GRIK2: variants seen among roughly 807,000 people sequenced by gnomAD.
GRIK2 encodes glutamate ionotropic receptor kainate type subunit 2.
Under a neutral mutation model 100.3 loss-of-function variants are expected in GRIK2, and 32 were observed. That is an observed-to-expected ratio of 0.32 (90% CI 0.24 to 0.43). GRIK2 has a LOEUF of 0.43. Among genes scored for constraint, GRIK2 ranks in the 20% least tolerant of loss-of-function variants. The pLI is 1.00. For synonymous variants in GRIK2, 417 were observed against 389.4 expected, an observed-to-expected ratio of 1.07 and a Z score of -0.83; for missense variants, 843 against 1,114.9, an observed-to-expected ratio of 0.76 and a Z score of 3.47.
chr6:101,806,589 T>C (rs1781019485), intron 9 of GRIK2, among the ~76,000 whole-genome samples: 2 of 151,832 alleles, frequency 1.3e-5, no homozygotes, highest in Admixed American at 6.6e-5. Context: ...CATGTCATCA[T>C]GTTCTCAGAT....
intron 14 of GRIK2, among the ~76,000 whole-genome samples, chr6:102,006,388 ATATTTTT>A (rs1214574141): frequency 8.9e-6 from 1 of 111,902 alleles, no homozygotes; most frequent in African/African-American, 5.3e-5. Flanking sequence ...ATATATATAT[ATATTTTT>A]TTTTTTTTTG....
At chr6:101,703,258 A>C (rs2128353915) in intron 7 of GRIK2, among the ~76,000 whole-genome samples, 1 of 152,032 alleles carries the variant, frequency 6.6e-6, no homozygotes, top group Middle Eastern at 3.4e-3. Flanking sequence ...TGAATAGAGG[A>C]GTGCCAAAGA....
chr6:101,950,448 A>G (rs1791540536), intron 14 of GRIK2, among the ~76,000 whole-genome samples: 1 of 152,168 alleles, frequency 6.6e-6, no homozygotes, highest in Admixed American at 6.5e-5. Flanking sequence ...CTCAGGATCC[A>G]AAATTGTTGT....
At chr6:102,064,171 T>C in intron 16 of GRIK2, 1 of 560,954 alleles carries the variant, frequency 1.8e-6, no homozygotes, top group Non-Finnish European at 3.2e-6. Flanking sequence ...TGCGTGGGTT[T>C]CCACCCCTAA....
intron 4 of GRIK2, among the ~76,000 whole-genome samples, chr6:101,650,307 G>A (rs181771827): frequency 2.5e-3 from 385 of 152,228 alleles, no homozygotes; most frequent in Non-Finnish European, 3.9e-3. Context: ...GGAAAAAGGC[G>A]TGCTGACCAC....
intron 4 of GRIK2, among the ~76,000 whole-genome samples, chr6:101,658,515 C>T (rs1004744552): frequency 1.3e-5 from 2 of 152,134 alleles, no homozygotes; most frequent in Non-Finnish European, 2.9e-5. Context: ...AATAAACATA[C>T]GTGTGCATGT....
chr6:101,556,573 G>A (rs1419362232), intron 2 of GRIK2, among the ~76,000 whole-genome samples: 1 of 151,492 alleles, frequency 6.6e-6, no homozygotes, highest in African/African-American at 2.4e-5. Context: ...GAAAATTATT[G>A]AACTATAAGA....
At chr6:101,719,580 A>G (rs1016554763) in intron 7 of GRIK2, among the ~76,000 whole-genome samples, 1 of 152,006 alleles carries the variant, frequency 6.6e-6, no homozygotes, top group Non-Finnish European at 1.5e-5. Context: ...AGGACTTTGG[A>G]GTTCAGTGGG....
intron 4 of GRIK2, 139 bp downstream of exon 4, chr6:101,626,776 A>G (rs1780460033): frequency 6.1e-6 from 4 of 652,802 alleles, no homozygotes; most frequent in Non-Finnish European, 1.0e-5. Context: ...AGACAGAATC[A>G]AACACCAATC....
At chr6:101,588,090 C>T (rs1164840973) in intron 2 of GRIK2, among the ~76,000 whole-genome samples, 1 of 151,832 alleles carries the variant, frequency 6.6e-6, no homozygotes, top group Non-Finnish European at 1.5e-5. Context: ...TGTTAGGGGG[C>T]AAAATAGACA....
At chr6:101,828,012 T>C (rs1782446402) in intron 10 of GRIK2, among the ~76,000 whole-genome samples, 1 of 151,992 alleles carries the variant, frequency 6.6e-6, no homozygotes, top group East Asian at 1.9e-4. Context: ...TACTCTAAGA[T>C]TGACCACAAA....
intron 12 of GRIK2, among the ~76,000 whole-genome samples, chr6:101,910,628 G>T (rs1443545583): frequency 6.6e-6 from 1 of 151,262 alleles, no homozygotes; most frequent in Non-Finnish European, 1.5e-5. Flanking sequence ...TGTTGTACAT[G>T]TGAATCATAT....
At chr6:101,486,182 A>G (rs186132570) in intron 2 of GRIK2, among the ~76,000 whole-genome samples, 314 of 152,196 alleles carry the variant, frequency 2.1e-3, no homozygotes, top group African/African-American at 7.0e-3. Context: ...TAACAAGAAC[A>G]ACTTAAGTAA....
At chr6:101,619,128 T>G (rs1373488984) in intron 2 of GRIK2, among the ~76,000 whole-genome samples, 1 of 151,076 alleles carries the variant, frequency 6.6e-6, no homozygotes, top group Non-Finnish European at 1.5e-5. Context: ...AATCTAACTT[T>G]ATTTGGAAAC....
At position 101,874,193 on chromosome 6, in the gene GRIK2, T is replaced by A. The variant is rs1221953913; in HGVS notation, c.1524+14700T>A. Among the ~76,000 whole-genome samples the A allele has an allele frequency of 4.6e-5, 7 of 152,122 alleles. No homozygotes were observed. The South Asian group carries it at 8.3e-4, about 18-fold the overall frequency. Reference sequence around the variant, plus strand: ...GCCTATGCCTATGTCCTGAATGGTATTGCCTAGGTTTTCTTCTAGAGTTTT... The same window carrying A: ...GCCTATGCCTATGTCCTGAATGGTAATGCCTAGGTTTTCTTCTAGAGTTTT... On this transcript the variant is annotated intron_variant, in intron 11 of 16. Transcript: ENST00000369134.
chr6:102,042,823 C>T (rs976965520), intron 15 of GRIK2, among the ~76,000 whole-genome samples: 1 of 151,606 alleles, frequency 6.6e-6, no homozygotes, highest in Non-Finnish European at 1.5e-5. Context: ...TACTTAGTGT[C>T]AGAGTTTCAT....
At chr6:101,519,291 G>A (rs775687920) in intron 2 of GRIK2, among the ~76,000 whole-genome samples, 3 of 145,430 alleles carry the variant, frequency 2.1e-5, no homozygotes, top group East Asian at 2.1e-4. Context: ...GGCGCATTGC[G>A]GAGTTAAACG....
intron 2 of GRIK2, among the ~76,000 whole-genome samples, chr6:101,605,609 G>A (rs1049318611): frequency 2.0e-5 from 3 of 152,012 alleles, no homozygotes; most frequent in Admixed American, 2.0e-4. Flanking sequence ...GACCCAGGAG[G>A]TGGGGTGGCA....
At chr6:101,513,693 G>T (rs554205978) in intron 2 of GRIK2, among the ~76,000 whole-genome samples, 1 of 152,246 alleles carries the variant, frequency 6.6e-6, no homozygotes, top group East Asian at 1.9e-4. Flanking sequence ...TGTAGGCCAT[G>T]ACTCCCCAGA....
Sources: gnomAD v4.1 joint callset for allele counts (sites outside exome capture counted in the v4.1 genomes callset) on GRCh38, gnomAD v4.1.1 for gene constraint, MANE v1.5 for transcripts, NCBI Gene and HGNC (gene_info 2026-07-23, HGNC 2026-07-21) for gene names.